Variants in LDB2 observed in about 807,000 individuals in gnomAD.
The protein encoded by LDB2 is LIM domain binding 2, also known as LIM domain-binding protein 2.
LDB2 carries 12 observed loss-of-function variants against 44.3 expected under a neutral mutation model. That is an observed-to-expected ratio of 0.27 (90% CI 0.17 to 0.44). The LOEUF (loss-of-function observed/expected upper bound fraction) is 0.44. Ranked by LOEUF, LDB2 falls within the 20% of genes least tolerant of loss-of-function variation. The pLI is 1.00. For synonymous variants in LDB2, 164 were observed against 174.8 expected (o/e 0.94, Z 0.49); for missense variants, 344 against 473.5 (o/e 0.73, Z 2.54).
rs770246632 is a variant in LDB2, at chr4:16,523,865, G to A, written c.616-11761C>T. On this transcript the variant is annotated intron_variant, in intron 5 of 7. Coordinates refer to ENST00000304523, the MANE Select transcript of LDB2 (RefSeq NM_001290.5). ...TGACTGTAGTTGACCATAGGTAACC[G>A]AAACTGCAGGAAACAAAACCATAGG... is the stretch of plus-strand genomic sequence containing the variant. 2.0e-5 allele frequency among the ~76,000 whole-genome samples: 3 copies of A among 152,170 alleles called. No individual in the cohort carries two copies. The East Asian group carries it at 5.8e-4, about 29-fold the overall frequency.
At position 16,626,536 on chromosome 4, in the gene LDB2, A is replaced by T. The variant is rs185374401; in HGVS notation, c.236-30661T>A. On this transcript the variant is annotated intron_variant, in intron 2 of 7. Coordinates refer to ENST00000304523, the MANE Select transcript of LDB2 (RefSeq NM_001290.5). The stretch of plus-strand genomic sequence containing the variant: ...CTAGACACTTCACTTCAGTGCTTGA[A>T]ATCTAGCCAGGTTCTCACAGAGAAA... Among the ~76,000 whole-genome samples the T allele has an allele frequency of 4.3e-3, 656 of 152,338 alleles. 3 individuals carry two copies. Among genetic ancestry groups the T allele is most frequent in the African/African-American group, 0.015 (624 of 41,580 alleles).
chr4:16,619,902 G>T (rs898177080), intron 2 of LDB2, among the ~76,000 whole-genome samples: 2 of 148,400 alleles, frequency 1.3e-5, no homozygotes, highest in East Asian at 2.0e-4. Context: ...AAATTAAAAA[G>T]AATAAAATAA....
At chr4:16,550,535 T>C (rs1385479819) in intron 5 of LDB2, among the ~76,000 whole-genome samples, 2 of 152,248 alleles carry the variant, frequency 1.3e-5, no homozygotes, top group Non-Finnish European at 2.9e-5. Flanking sequence ...ATTGGTACGT[T>C]ACATCAGTAA....
chr4:16,892,270 G>A (rs1483012), intron 1 of LDB2, among the ~76,000 whole-genome samples: 75,520 of 151,970 alleles, frequency 0.5, 20,287 homozygotes, highest in African/African-American at 0.71. Flanking sequence ...AAGACAGAAA[G>A]TATCTTAATC....
intron 1 of LDB2, among the ~76,000 whole-genome samples, chr4:16,765,645 A>G (rs936861110): frequency 6.6e-6 from 1 of 152,228 alleles, no homozygotes; most frequent in Admixed American, 6.5e-5. Flanking sequence ...AAAATGGACT[A>G]AACAGATGAT....
chr4:16,771,401 T>C (rs1770652465), intron 1 of LDB2, among the ~76,000 whole-genome samples: 1 of 152,200 alleles, frequency 6.6e-6, no homozygotes, highest in Non-Finnish European at 1.5e-5. Context: ...ATTCTCTCTG[T>C]CAGTGACACC....
At chr4:16,851,614 G>GA (rs541843612) in intron 1 of LDB2, among the ~76,000 whole-genome samples, 1 of 150,992 alleles carries the variant, frequency 6.6e-6, no homozygotes, top group African/African-American at 2.4e-5. Flanking sequence ...AAAATAATAA[G>GA]AAAAAAAAGA....
intron 1 of LDB2, among the ~76,000 whole-genome samples, chr4:16,873,816 A>T (rs1319808104): frequency 6.6e-6 from 1 of 152,142 alleles, no homozygotes; most frequent in African/African-American, 2.4e-5. Context: ...TCATCACCAC[A>T]ACCAGTTTCA....
intron 5 of LDB2, among the ~76,000 whole-genome samples, chr4:16,547,083 T>C (rs1301924743): frequency 6.6e-6 from 1 of 152,116 alleles, no homozygotes; most frequent in Non-Finnish European, 1.5e-5. Flanking sequence ...GATCTCTAGA[T>C]GATATAATAC....
At chr4:16,731,509 G>T (rs1040848259) in intron 2 of LDB2, among the ~76,000 whole-genome samples, 2 of 152,006 alleles carry the variant, frequency 1.3e-5, no homozygotes, top group Non-Finnish European at 2.9e-5. Context: ...GCTCTCTTGC[G>T]TTCTCCCTCT....
intron 2 of LDB2, among the ~76,000 whole-genome samples, chr4:16,749,368 G>A (rs1378227389): frequency 1.3e-5 from 2 of 151,432 alleles, no homozygotes; most frequent in African/African-American, 2.4e-5. Context: ...GACCAGTCTC[G>A]CCAATGTGGT....
chr4:16,779,088 G>T (rs1017120019), intron 1 of LDB2, among the ~76,000 whole-genome samples: 2 of 152,130 alleles, frequency 1.3e-5, no homozygotes, highest in African/African-American at 2.4e-5. Flanking sequence ...GAAACATGGG[G>T]GAATGAATGA....
chr4:16,519,523 T>C (rs576069872), intron 5 of LDB2, among the ~76,000 whole-genome samples: 8 of 151,912 alleles, frequency 5.3e-5, no homozygotes, highest in Non-Finnish European at 1.0e-4. Flanking sequence ...TTTCACTGTT[T>C]TTGTGTTTCT....
intron 5 of LDB2, among the ~76,000 whole-genome samples, chr4:16,549,527 C>T (rs1736897937): frequency 6.6e-6 from 1 of 152,218 alleles, no homozygotes; most frequent in South Asian, 2.1e-4. Context: ...CATCTTCTGT[C>T]TGGATTTTTG....
intron 1 of LDB2, among the ~76,000 whole-genome samples, chr4:16,856,914 CAG>C (rs1300002793): frequency 6.6e-6 from 1 of 152,192 alleles, no homozygotes; most frequent in Non-Finnish European, 1.5e-5. Context: ...CCTAAATGTT[CAG>C]AGACATTAAA....
intron 1 of LDB2, among the ~76,000 whole-genome samples, chr4:16,859,773 A>T (rs1350284688): frequency 1.3e-5 from 2 of 152,236 alleles, no homozygotes; most frequent in Non-Finnish European, 2.9e-5. Flanking sequence ...AAAAAGAAGC[A>T]ATGTTCATTG....
intron 1 of LDB2, among the ~76,000 whole-genome samples, chr4:16,774,835 T>C (rs1052014632): frequency 3.3e-5 from 5 of 152,218 alleles, no homozygotes; most frequent in Admixed American, 3.3e-4. Flanking sequence ...CATACATGCA[T>C]GCATAAATGC....
intron 2 of LDB2, among the ~76,000 whole-genome samples, chr4:16,753,904 A>G (rs371609792): frequency 3.9e-5 from 6 of 152,222 alleles, no homozygotes; most frequent in Non-Finnish European, 8.8e-5. Context: ...ACGCCCATCA[A>G]TGTGTTATGG....
intron 6 of LDB2, among the ~76,000 whole-genome samples, chr4:16,511,141 A>T (rs1453498484): frequency 6.6e-6 from 1 of 152,122 alleles, no homozygotes; most frequent in African/African-American, 2.4e-5. Flanking sequence ...ACCCCTGGCC[A>T]CTTACCAGCC....
Sources: gnomAD v4.1 joint callset for allele counts (sites outside exome capture counted in the v4.1 genomes callset) on GRCh38, gnomAD v4.1.1 for gene constraint, MANE v1.5 for transcripts, NCBI Gene and HGNC (gene_info 2026-07-23, HGNC 2026-07-21) for gene names.